Variants in ITGBL1 observed in about 807,000 individuals in gnomAD.
The protein encoded by ITGBL1 is integrin subunit beta like 1, also known as integrin beta-like protein 1.
ITGBL1 carries 51 observed loss-of-function variants against 68.5 expected under a neutral mutation model. That is an observed-to-expected ratio of 0.74 (90% CI 0.59 to 0.94). The LOEUF is 0.94. Among genes scored for constraint, ITGBL1 ranks in the 40% least tolerant of loss-of-function variants. ITGBL1 has a pLI of 0.00. For missense variants in ITGBL1, 649 were observed against 647.4 expected (o/e 1.00, Z -0.03); for synonymous variants, 209 against 227.3 (o/e 0.92, Z 0.72).
chr13:101,651,105 C>A (rs1047632196), intron 7 of ITGBL1, among the ~76,000 whole-genome samples: 1 of 152,136 alleles, frequency 6.6e-6, no homozygotes, highest in Admixed American at 6.5e-5. Context: ...CTACAGTGAA[C>A]ATATCCATGC....
chr13:101,478,596 C>CA lies in ITGBL1; in HGVS notation c.316+24502dup, dbSNP rs572825493. ...GCTTAGAAAAACCCACAGACTCCAC[C>CA]AAAAAACTATTAGAACTGATAAATT... On this transcript the variant is annotated intron_variant, in intron 2 of 10. Coordinates refer to ENST00000376180, the MANE Select transcript of ITGBL1 (RefSeq NM_004791.3). Among the ~76,000 whole-genome samples, 14 of 152,008 alleles carry CA rather than the reference C, an allele frequency of 9.2e-5. No homozygotes were observed. In the South Asian group the frequency reaches 2.5e-3, roughly 27 times the overall value.
intron 7 of ITGBL1, among the ~76,000 whole-genome samples, chr13:101,688,009 C>T (rs1397217457): frequency 6.6e-6 from 1 of 151,872 alleles, no homozygotes; most frequent in Non-Finnish European, 1.5e-5. Flanking sequence ...ATTTCAGAAG[C>T]CACAGTTGTA....
At chr13:101,493,025 G>T (rs779527471) in intron 2 of ITGBL1, among the ~76,000 whole-genome samples, 3 of 152,168 alleles carry the variant, frequency 2.0e-5, no homozygotes, top group Non-Finnish European at 4.4e-5. Context: ...AGTAGATGTT[G>T]TACAAAGTTT....
chr13:101,678,179 T>C (rs1372440375), intron 7 of ITGBL1, among the ~76,000 whole-genome samples: 3 of 152,246 alleles, frequency 2.0e-5, no homozygotes, highest in Non-Finnish European at 4.4e-5. Context: ...CAAATTCGCA[T>C]GTACATACAT....
chr13:101,481,000 A>ATG (rs1491406408), intron 2 of ITGBL1, among the ~76,000 whole-genome samples: 8 of 128,042 alleles, frequency 6.2e-5, no homozygotes, highest in Non-Finnish European at 9.8e-5. Flanking sequence ...ATGCCAAAAG[A>ATG]TATGTGTGTG....
chr13:101,507,679 C>A (rs1398546581), intron 2 of ITGBL1, among the ~76,000 whole-genome samples: 1 of 151,858 alleles, frequency 6.6e-6, no homozygotes, highest in Non-Finnish European at 1.5e-5. Context: ...ATATTGAGGT[C>A]ACAGAGCCAT....
chr13:101,556,622 A>G (rs548423439), intron 2 of ITGBL1, among the ~76,000 whole-genome samples: 89 of 152,186 alleles, frequency 5.8e-4, no homozygotes, highest in African/African-American at 2.0e-3. Context: ...ACAAGAGGGA[A>G]ATTCCGTCTC....
chr13:101,569,719 C>T (rs2050242658), intron 3 of ITGBL1, among the ~76,000 whole-genome samples: 1 of 152,062 alleles, frequency 6.6e-6, no homozygotes, highest in African/African-American at 2.4e-5. Context: ...TGATGTCTCC[C>T]CCGCCATGAT....
intron 2 of ITGBL1, among the ~76,000 whole-genome samples, chr13:101,472,707 C>A (rs1201005479): frequency 6.6e-6 from 1 of 151,944 alleles, no homozygotes; most frequent in Non-Finnish European, 1.5e-5. Flanking sequence ...TAACTTAATG[C>A]AGAGGGTTGT....
intron 2 of ITGBL1, among the ~76,000 whole-genome samples, chr13:101,538,826 T>G (rs911421126): frequency 1.3e-5 from 2 of 152,058 alleles, no homozygotes; most frequent in Non-Finnish European, 2.9e-5. Context: ...TACATAGTGT[T>G]TATTATGTGA....
At chr13:101,627,557 C>T (rs996263936) in intron 7 of ITGBL1, among the ~76,000 whole-genome samples, 3 of 151,988 alleles carry the variant, frequency 2.0e-5, no homozygotes, top group Non-Finnish European at 4.4e-5. Flanking sequence ...ACGTACCCAC[C>T]ATGACAGTAA....
intron 2 of ITGBL1, among the ~76,000 whole-genome samples, chr13:101,531,096 A>G (rs1193579424): frequency 6.6e-6 from 1 of 152,144 alleles, no homozygotes; most frequent in Non-Finnish European, 1.5e-5. Context: ...AACTTTCAAT[A>G]ATGGCTAAGT....
At chr13:101,483,091 C>T (rs962339494) in intron 2 of ITGBL1, among the ~76,000 whole-genome samples, 3 of 152,180 alleles carry the variant, frequency 2.0e-5, no homozygotes, top group Non-Finnish European at 4.4e-5. Context: ...TAAAGGTGGA[C>T]TCTGCTAGGC....
At chr13:101,577,185 C>A (rs2050377017) in intron 4 of ITGBL1, among the ~76,000 whole-genome samples, 1 of 152,172 alleles carries the variant, frequency 6.6e-6, no homozygotes, top group Admixed American at 6.5e-5. Context: ...CAGTAAACAC[C>A]CTCTGGGGGT....
chr13:101,719,075 T>G (rs2034827600), downstream of ITGBL1: 1 of 152,162 alleles, frequency 6.6e-6, no homozygotes, highest in Non-Finnish European at 1.5e-5. Context: ...CATCTTGTTC[T>G]CAACTGGATG....
chr13:101,594,241 C>A (rs1391307292), intron 6 of ITGBL1, among the ~76,000 whole-genome samples: 3 of 151,998 alleles, frequency 2.0e-5, no homozygotes, highest in Non-Finnish European at 2.9e-5. Context: ...GACACATAGA[C>A]CAGTGGAACA....
At chr13:101,710,600 C>T (rs1294603126) in intron 9 of ITGBL1, among the ~76,000 whole-genome samples, 1 of 152,136 alleles carries the variant, frequency 6.6e-6, no homozygotes, top group Non-Finnish European at 1.5e-5. Context: ...TCCAAATTTT[C>T]TATCATTTTT....
At chr13:101,494,044 A>G (rs2048819920) in intron 2 of ITGBL1, among the ~76,000 whole-genome samples, 1 of 152,240 alleles carries the variant, frequency 6.6e-6, no homozygotes, top group Non-Finnish European at 1.5e-5. Flanking sequence ...CACTTTGAGG[A>G]GACACATTGT....
intron 2 of ITGBL1, among the ~76,000 whole-genome samples, chr13:101,486,820 A>G (rs546974364): frequency 1.3e-5 from 2 of 152,190 alleles, no homozygotes; most frequent in African/African-American, 4.8e-5. Flanking sequence ...GTTTAGCACT[A>G]GAAGGAACAT....
Sources: allele counts gnomAD v4.1 joint callset (sites outside exome capture counted in the v4.1 genomes callset), GRCh38; gene constraint gnomAD v4.1.1; transcripts MANE v1.5; gene names NCBI Gene and HGNC (gene_info 2026-07-23, HGNC 2026-07-21).